The following OR9Q1 variants were observed in gnomAD, a reference collection of about 807,000 sequenced individuals.
OR9Q1 encodes the protein olfactory receptor family 9 subfamily Q member 1, also known as olfactory receptor 9Q1.
For synonymous variants in OR9Q1, 153 were observed against 148.6 expected (o/e 1.03, Z -0.22); for missense variants, 374 against 378.8 (o/e 0.99, Z 0.11).
At chr11:58,174,361 G>T (rs530205294) in intron 2 of OR9Q1, among the ~76,000 whole-genome samples, 1 of 152,190 alleles carries the variant, frequency 6.6e-6, no homozygotes, top group Non-Finnish European at 1.5e-5. Flanking sequence ...CCGAGCCCAA[G>T]CCCAGCCTAA....
In OR9Q1 at chr11:58,046,117, G is replaced by A. The variant is rs933555891; in HGVS notation, c.-92-9753G>A. Among the ~76,000 whole-genome samples the A allele has an allele frequency of 2.0e-5, 3 of 152,228 alleles. No individual in the cohort carries two copies. The South Asian group carries it at 6.2e-4, about 31-fold the overall frequency. The stretch of plus-strand genomic sequence containing the variant: ...ATGGATTCTGTGGTCTGAGGAAGGA[G>A]AAGCAAGAGAGAAGATAAGTACCTG... On this transcript the variant is annotated intron_variant, in intron 1 of 2. Coordinates refer to ENST00000335397, the MANE Select transcript of OR9Q1 (RefSeq NM_001005212.4).
In OR9Q1 at chr11:58,105,114, TAGC is replaced by T. The variant is rs1351506944; in HGVS notation, c.-15+49170_-15+49172del. ...TTTTGTAGTTTACAGAGTTATTAAA[TAGC>T]AGAGAGGATACAAGTCCACTTTTAT... On this transcript the variant is annotated intron_variant, in intron 2 of 2. Coordinates refer to ENST00000335397, the MANE Select transcript of OR9Q1 (RefSeq NM_001005212.4). 4.6e-5 allele frequency among the ~76,000 whole-genome samples: 7 copies of T among 152,052 alleles called. No homozygotes were observed. In the East Asian group the frequency reaches 9.6e-4, roughly 21 times the overall value.
chr11:58,166,794 T>C (rs1462765605), intron 2 of OR9Q1, among the ~76,000 whole-genome samples: 4 of 152,204 alleles, frequency 2.6e-5, no homozygotes, highest in African/African-American at 9.7e-5. Context: ...ATTCTTTTCA[T>C]GCTCTGAGGA....
intron 2 of OR9Q1, among the ~76,000 whole-genome samples, chr11:58,124,194 A>G (rs945054005): frequency 1.3e-5 from 2 of 152,202 alleles, no homozygotes; most frequent in Admixed American, 6.5e-5. Flanking sequence ...CCAAGAGTAG[A>G]GAGAAACAAC....
At chr11:58,053,658 TA>T (rs377472833) in intron 1 of OR9Q1, among the ~76,000 whole-genome samples, 1 of 120,804 alleles carries the variant, frequency 8.3e-6, no homozygotes, top group Non-Finnish European at 1.8e-5. Flanking sequence ...TATATATATA[TA>T]AAATATATAT....
At chr11:58,171,945 G>A (rs1159091461) in intron 2 of OR9Q1, among the ~76,000 whole-genome samples, 1 of 152,038 alleles carries the variant, frequency 6.6e-6, no homozygotes, top group Non-Finnish European at 1.5e-5. Context: ...ATTTTAATGG[G>A]GGAAAATATT....
At chr11:58,035,974 T>C (rs1027211691) in intron 1 of OR9Q1, among the ~76,000 whole-genome samples, 6 of 151,428 alleles carry the variant, frequency 4.0e-5, no homozygotes, top group African/African-American at 1.5e-4. Flanking sequence ...AATTGAAGAT[T>C]TGTAGCAATT....
chr11:58,079,359 C>T (rs930257951), intron 2 of OR9Q1, among the ~76,000 whole-genome samples: 2 of 151,684 alleles, frequency 1.3e-5, no homozygotes, highest in African/African-American at 2.4e-5. Context: ...CCATTATTAT[C>T]CAAGTAGTGA....
chr11:58,041,672 C>T (rs574367133), intron 1 of OR9Q1: 62 of 152,358 alleles, frequency 4.1e-4, no homozygotes, highest in African/African-American at 1.4e-3. Context: ...TTCTGACATG[C>T]AACACTATCT....
chr11:58,179,428 C>T lies in OR9Q1; in HGVS notation c.-14-3C>T, dbSNP rs771469039. ...AACTTGCTTCCCATTCTACATGTCT[C>T]AGGGACCACTGGTGTCATGGCAGAG... is the stretch of plus-strand genomic sequence containing the variant. On this transcript the variant is annotated splice_region_variant and splice_polypyrimidine_tract_variant and intron_variant, in intron 2 of 2. Transcript: ENST00000335397. The T allele has an allele frequency of 6.6e-7, 1 of 1,523,236 alleles. No individual in the cohort carries two copies. The allele number at this position is 1,523,236 out of a possible 1,614,324, so 94.4% of individuals were successfully genotyped here. A position where few individuals can be genotyped will look rare whatever the true frequency, so the allele number is the denominator to read the frequency against.
chr11:58,053,897 C>T (rs1565062358), intron 1 of OR9Q1, among the ~76,000 whole-genome samples: 1 of 151,910 alleles, frequency 6.6e-6, no homozygotes, highest in East Asian at 1.9e-4. Flanking sequence ...TTCTGGGGAT[C>T]TAATATCCAC....
chr11:58,094,484 G>A (rs1350698280), intron 2 of OR9Q1, among the ~76,000 whole-genome samples: 2 of 152,052 alleles, frequency 1.3e-5, no homozygotes, highest in Non-Finnish European at 2.9e-5. Flanking sequence ...TTGTTTCTAA[G>A]GTTGATGTTT....
chr11:58,119,762 G>A (rs887801569), intron 2 of OR9Q1, among the ~76,000 whole-genome samples: 1 of 151,992 alleles, frequency 6.6e-6, no homozygotes, highest in African/African-American at 2.4e-5. Context: ...TCCCATCTGG[G>A]GCTGGAGTCT....
At chr11:58,127,124 A>G (rs1854097764) in intron 2 of OR9Q1, among the ~76,000 whole-genome samples, 1 of 152,000 alleles carries the variant, frequency 6.6e-6, no homozygotes, top group African/African-American at 2.4e-5. Context: ...TTATTTTTGT[A>G]GTTTTAGTAG....
chr11:58,132,208 A>G (rs929420593), intron 2 of OR9Q1, among the ~76,000 whole-genome samples: 3 of 152,164 alleles, frequency 2.0e-5, no homozygotes, highest in Non-Finnish European at 2.9e-5. Flanking sequence ...GAATGGTTCA[A>G]TGGTTTAAAT....
chr11:58,131,132 A>C (rs763369374), intron 2 of OR9Q1, among the ~76,000 whole-genome samples: 5 of 152,160 alleles, frequency 3.3e-5, no homozygotes, highest in Non-Finnish European at 7.4e-5. Context: ...TAGAGCTCAG[A>C]AGGACCACTG....
chr11:58,068,310 C>A (rs1239152428), intron 2 of OR9Q1, among the ~76,000 whole-genome samples: 1 of 150,752 alleles, frequency 6.6e-6, no homozygotes, highest in Non-Finnish European at 1.5e-5. Flanking sequence ...GTTGTCATTG[C>A]ACTCCAGTCT....
At chr11:58,140,628 T>C (rs1482130557) in intron 2 of OR9Q1, among the ~76,000 whole-genome samples, 2 of 152,192 alleles carry the variant, frequency 1.3e-5, no homozygotes, top group African/African-American at 2.4e-5. Flanking sequence ...AGGGCTCCGT[T>C]CTGTTCCATT....
At chr11:58,125,615 G>A (rs1405904313) in intron 2 of OR9Q1, 1 of 152,200 alleles carries the variant, frequency 6.6e-6, no homozygotes, top group Admixed American at 6.5e-5. Context: ...ATAGTTTTAT[G>A]GGAGGGATGC....
Sources: gnomAD v4.1 joint callset for allele counts (sites outside exome capture counted in the v4.1 genomes callset) on GRCh38, gnomAD v4.1.1 for gene constraint, MANE v1.5 for transcripts, NCBI Gene and HGNC (gene_info 2026-07-23, HGNC 2026-07-21) for gene names.